SULF1: variants seen among roughly 807,000 people sequenced by gnomAD.
SULF1 encodes the protein sulfatase 1.
In SULF1, 46 loss-of-function variants were observed where a neutral mutation model predicts 110.5. The observed-to-expected ratio is 0.42, with a 90% CI of 0.33 to 0.53. The LOEUF is 0.53. Among genes scored for constraint, SULF1 ranks in the 20% least tolerant of loss-of-function variants. The probability of loss-of-function intolerance (pLI) is 0.12; values close to 1 mark genes in which losing one functional copy is unlikely to be tolerated. For missense variants in SULF1, 941 were observed against 1,094.2 expected (o/e 0.86, Z 1.98); for synonymous variants, 371 against 387.1 (o/e 0.96, Z 0.49).
intron 22 of SULF1, among the ~76,000 whole-genome samples, chr8:69,657,976 A>AC (rs1286611013): frequency 6.6e-6 from 1 of 152,258 alleles, no homozygotes; most frequent in East Asian, 1.9e-4. Flanking sequence ...ATTTGATTTG[A>AC]AGAGCTTAAT....
At chr8:69,640,093 G>C (rs955964957) in intron 21 of SULF1, among the ~76,000 whole-genome samples, 1 of 150,182 alleles carries the variant, frequency 6.7e-6, no homozygotes, top group Non-Finnish European at 1.5e-5. Context: ...GAGAGGGAGG[G>C]AGGGAGAGAG....
intron 3 of SULF1, among the ~76,000 whole-genome samples, chr8:69,512,909 T>C (rs1811672124): frequency 6.6e-6 from 1 of 152,204 alleles, no homozygotes; most frequent in South Asian, 2.1e-4. Flanking sequence ...TGTAAAATAT[T>C]CCTTGATTTC....
At chr8:69,493,450 C>CACT (rs1473426429) in intron 1 of SULF1, among the ~76,000 whole-genome samples, 18 of 14,098 alleles carry the variant, frequency 1.3e-3, no homozygotes, top group African/African-American at 9.5e-3. Context: ...CACAACACTA[C>CACT]ACACACACAC....
intron 13 of SULF1, among the ~76,000 whole-genome samples, chr8:69,614,000 A>G (rs1183505628): frequency 2.0e-5 from 3 of 152,164 alleles, no homozygotes; most frequent in African/African-American, 7.2e-5. Context: ...TTGAATCCCA[A>G]CCCAATACTC....
At chr8:69,650,076 G>A (rs896231542) in intron 22 of SULF1, among the ~76,000 whole-genome samples, 4 of 132,564 alleles carry the variant, frequency 3.0e-5, no homozygotes, top group Non-Finnish European at 6.2e-5. Flanking sequence ...GCTTACTGCA[G>A]GCTTGACCCC....
chr8:69,581,603 G>T (rs1054313534), intron 6 of SULF1, among the ~76,000 whole-genome samples: 7 of 152,202 alleles, frequency 4.6e-5, no homozygotes, highest in Non-Finnish European at 7.3e-5. Flanking sequence ...GAATTGAATT[G>T]CCAATGCCGA....
rs565319458 is a variant in SULF1, at chr8:69,591,457, G to A, written c.734+2316G>A. Among the ~76,000 whole-genome samples, 38 of 151,880 alleles carry A rather than the reference G, an allele frequency of 2.5e-4. No homozygotes were observed. The South Asian group carries it at 4.4e-3, about 17-fold the overall frequency. On this transcript the variant is annotated intron_variant, in intron 8 of 22. Coordinates refer to ENST00000402687, the MANE Select transcript of SULF1 (RefSeq NM_001128205.2). The stretch of plus-strand genomic sequence containing the variant: ...TGGGCACCTGTAGTCCTAGCTACTC[G>A]GGAGGCTGAGGCAGGAGAATGGCAT...
intron 3 of SULF1, among the ~76,000 whole-genome samples, chr8:69,526,438 C>T (rs1286214964): frequency 1.3e-5 from 2 of 151,624 alleles, no homozygotes; most frequent in Non-Finnish European, 2.9e-5. Context: ...AAAAATCTTC[C>T]ATTTCAAAAT....
chr8:69,482,595 G>A (rs1458917402), intron 1 of SULF1, among the ~76,000 whole-genome samples: 2 of 152,052 alleles, frequency 1.3e-5, no homozygotes, highest in Non-Finnish European at 1.5e-5. Context: ...TATAGAGAGA[G>A]AGGGGCAGGG....
chr8:69,496,500 C>T (rs1295943742), intron 2 of SULF1, among the ~76,000 whole-genome samples: 2 of 152,106 alleles, frequency 1.3e-5, no homozygotes, highest in African/African-American at 4.8e-5. Flanking sequence ...AAAAAGGAAC[C>T]GTTAACATCT....
At chr8:69,526,026 T>C (rs758546451) in intron 3 of SULF1, among the ~76,000 whole-genome samples, 40 of 152,308 alleles carry the variant, frequency 2.6e-4, no homozygotes, top group Non-Finnish European at 5.0e-4. Context: ...GAATATAATA[T>C]ATTCTCTGAA....
At chr8:69,523,426 A>G (rs1812451246) in intron 3 of SULF1, among the ~76,000 whole-genome samples, 1 of 152,132 alleles carries the variant, frequency 6.6e-6, no homozygotes, top group African/African-American at 2.4e-5. Flanking sequence ...GATTAGGGCA[A>G]TAAAGTATGT....
intron 11 of SULF1, 26 bp from the exon 12 acceptor site, chr8:69,603,574 A>G: frequency 2.5e-6 from 4 of 1,601,904 alleles, no homozygotes; most frequent in Non-Finnish European, 3.4e-6. Flanking sequence ...AGATGCCAAA[A>G]GTAAATATTA....
At chr8:69,610,425 C>A (rs550814299) in intron 13 of SULF1, among the ~76,000 whole-genome samples, 4 of 152,274 alleles carry the variant, frequency 2.6e-5, no homozygotes, top group African/African-American at 7.2e-5. Flanking sequence ...AAACCTGTTT[C>A]CCAAAACTCA....
intron 22 of SULF1, among the ~76,000 whole-genome samples, chr8:69,647,012 T>C (rs889574515): frequency 7.1e-6 from 1 of 141,256 alleles, no homozygotes; most frequent in Non-Finnish European, 1.5e-5. Flanking sequence ...TGACACAATC[T>C]TGGCTCACTG....
In SULF1 at chr8:69,627,810, A is replaced by C; in HGVS notation, c.1986A>C (p.Glu662Asp). 6.2e-7 allele frequency: 1 copy of C among 1,613,478 alleles called. No homozygotes were observed. Among genetic ancestry groups the C allele is most frequent in the Non-Finnish European group, 8.5e-7 (1 of 1,179,772 alleles). Residue 662 changes from glutamate to aspartate, a missense_variant, in exon 17 of 23, where the codon GAA becomes GAC. Coordinates refer to ENST00000402687, the MANE Select transcript of SULF1 (RefSeq NM_001128205.2). The part of the protein sequence containing the change: ...ALQDKIKNLR[E>D]VRGHLKRRKP... Reference sequence around the variant, plus strand: ...AAGATAAAATTAAGAATTTAAGAGAAGTGAGAGGACATCTGAAGAGAAGGA... The same window carrying C: ...AAGATAAAATTAAGAATTTAAGAGACGTGAGAGGACATCTGAAGAGAAGGA...
At chr8:69,625,478 G>A (rs148613378) in intron 15 of SULF1, among the ~76,000 whole-genome samples, 3,183 of 152,324 alleles carry the variant, frequency 0.021, 30 homozygotes, top group South Asian at 0.045. Context: ...TTAAGGTGGC[G>A]CATCTGGAGT....
intron 3 of SULF1, among the ~76,000 whole-genome samples, chr8:69,551,855 GC>G (rs1814742683): frequency 6.6e-6 from 1 of 152,176 alleles, no homozygotes; most frequent in Admixed American, 6.5e-5. Context: ...ACTTTGAGAG[GC>G]CAAGGCGGGT....
intron 1 of SULF1, among the ~76,000 whole-genome samples, chr8:69,481,652 T>TC (rs34882312): frequency 6.6e-6 from 1 of 152,116 alleles, no homozygotes; most frequent in Non-Finnish European, 1.5e-5. Context: ...TGTGTGTTGC[T>TC]CCCCGCCATT....
Sources: gnomAD v4.1 joint callset for allele counts (sites outside exome capture counted in the v4.1 genomes callset) on GRCh38, gnomAD v4.1.1 for gene constraint, MANE v1.5 for transcripts, NCBI Gene and HGNC (gene_info 2026-07-23, HGNC 2026-07-21) for gene names.